The following GRID2 variants were observed in gnomAD, a reference collection of about 807,000 sequenced individuals.
GRID2 encodes glutamate ionotropic receptor delta type subunit 2, also known as glutamate receptor ionotropic, delta-2.
GRID2 carries 33 observed loss-of-function variants against 114.8 expected under a neutral mutation model. The observed-to-expected ratio is 0.29, with a 90% CI of 0.22 to 0.38. GRID2 has a LOEUF of 0.38. Among genes scored for constraint, GRID2 ranks in the 10% least tolerant of loss-of-function variants. The pLI is 1.00. For missense variants in GRID2, 1,184 were observed against 1,257.7 expected (o/e 0.94, Z 0.89); for synonymous variants, 505 against 449.9 (o/e 1.12, Z -1.55).
chr4:92,917,457 T>C (rs913784671), intron 2 of GRID2, among the ~76,000 whole-genome samples: 1 of 152,184 alleles, frequency 6.6e-6, no homozygotes, highest in African/African-American at 2.4e-5. Flanking sequence ...CTGAATGGTA[T>C]TGCATAGGTT....
Position 92,420,289 on chromosome 4 carries a change from T to G in GRID2, c.88+115545T>G, listed in dbSNP as rs1014473916. 2.0e-5 allele frequency among the ~76,000 whole-genome samples: 3 copies of G among 152,200 alleles called. No individual in the cohort carries two copies. In the South Asian group the frequency reaches 6.2e-4, roughly 32 times the overall value. ...TGCATTTGTCTGGAAATTATTACCA[T>G]AAACTTTTAAATAGTAAGTTTTAAC... is the stretch of plus-strand genomic sequence containing the variant. On this transcript the variant is annotated intron_variant, in intron 1 of 15. Transcript: ENST00000282020.
intron 4 of GRID2, among the ~76,000 whole-genome samples, chr4:93,204,400 A>T (rs990488380): frequency 6.6e-6 from 1 of 152,146 alleles, no homozygotes; most frequent in Non-Finnish European, 1.5e-5. Context: ...TAGAACATGA[A>T]GATAGATGAT....
intron 8 of GRID2, among the ~76,000 whole-genome samples, chr4:93,321,394 A>G (rs1757198030): frequency 6.6e-6 from 1 of 152,134 alleles, no homozygotes; most frequent in Non-Finnish European, 1.5e-5. Flanking sequence ...TATGTTTGAA[A>G]CTAGTTAGCA....
intron 1 of GRID2, among the ~76,000 whole-genome samples, chr4:92,403,501 G>A (rs993359927): frequency 6.6e-6 from 1 of 151,832 alleles, no homozygotes; most frequent in African/African-American, 2.4e-5. Context: ...TTTGAGACCA[G>A]CCTGACCAAT....
At chr4:93,221,117 A>T (rs1294532755) in intron 6 of GRID2, among the ~76,000 whole-genome samples, 1 of 152,168 alleles carries the variant, frequency 6.6e-6, no homozygotes, top group Non-Finnish European at 1.5e-5. Context: ...TTTTAATATA[A>T]TCGTGGTCTC....
intron 2 of GRID2, among the ~76,000 whole-genome samples, chr4:92,801,263 A>G (rs536693355): frequency 2.0e-4 from 30 of 152,120 alleles, no homozygotes; most frequent in African/African-American, 7.2e-4. Flanking sequence ...TCTTGTGGAT[A>G]ACTTCTGTGT....
intron 4 of GRID2, among the ~76,000 whole-genome samples, chr4:93,171,187 T>C (rs1356717861): frequency 6.6e-6 from 1 of 152,220 alleles, no homozygotes; most frequent in Non-Finnish European, 1.5e-5. Flanking sequence ...TTCTGATCTT[T>C]TAACATTTTG....
chr4:93,697,759 A>G (rs888907214), intron 14 of GRID2, among the ~76,000 whole-genome samples: 3 of 32,498 alleles, frequency 9.2e-5, no homozygotes, highest in Admixed American at 4.3e-4. Flanking sequence ...ACAATACATT[A>G]TATCTTTAAA....
At chr4:93,543,710 T>TAGAGAGAGAGAGAGAGGGAGAGAGAGAG (rs1732888813) in intron 13 of GRID2, among the ~76,000 whole-genome samples, 1 of 133,494 alleles carries the variant, frequency 7.5e-6, no homozygotes, top group African/African-American at 2.9e-5. Context: ...GAGTGAGAGA[T>TAGAGAGAGAGAGAGAGGGAGAGAGAGAG]AGAGAGAGAG....
chr4:93,100,107 C>A (rs1731571367), intron 3 of GRID2, among the ~76,000 whole-genome samples: 1 of 151,816 alleles, frequency 6.6e-6, no homozygotes, highest in Admixed American at 6.6e-5. Flanking sequence ...ATTTCCTTTG[C>A]ATTAGTATAT....
intron 2 of GRID2, among the ~76,000 whole-genome samples, chr4:92,909,039 G>T (rs921237861): frequency 6.6e-6 from 1 of 152,060 alleles, no homozygotes; most frequent in Non-Finnish European, 1.5e-5. Context: ...TGATTATTCT[G>T]ATTTTAATAT....
intron 2 of GRID2, among the ~76,000 whole-genome samples, chr4:92,732,178 A>G (rs1736358605): frequency 6.6e-6 from 1 of 151,978 alleles, no homozygotes; most frequent in Non-Finnish European, 1.5e-5. Flanking sequence ...TAATTTCATC[A>G]GGAGTAAATG....
intron 11 of GRID2, among the ~76,000 whole-genome samples, chr4:93,459,454 G>A (rs1002565323): frequency 1.3e-5 from 2 of 152,112 alleles, no homozygotes; most frequent in African/African-American, 4.8e-5. Context: ...TGAGCCAGCT[G>A]TAATGATGGC....
chr4:92,973,336 A>G (rs1753646387), intron 2 of GRID2, among the ~76,000 whole-genome samples: 1 of 152,210 alleles, frequency 6.6e-6, no homozygotes, highest in Non-Finnish European at 1.5e-5. Flanking sequence ...ATAAGGAAGC[A>G]GGTGAGTTTG....
chr4:93,210,596 G>A (rs559024856), intron 5 of GRID2, among the ~76,000 whole-genome samples: 27 of 151,910 alleles, frequency 1.8e-4, no homozygotes, highest in Non-Finnish European at 3.4e-4. Flanking sequence ...TTTTCACTTA[G>A]AATTTTGTTT....
chr4:93,589,007 C>T (rs1042412624), intron 13 of GRID2, among the ~76,000 whole-genome samples: 1 of 151,454 alleles, frequency 6.6e-6, no homozygotes, highest in Non-Finnish European at 1.5e-5. Flanking sequence ...AATTCAACAA[C>T]GTTCATGATT....
At chr4:92,595,228 A>G (rs1356978881) in intron 2 of GRID2, among the ~76,000 whole-genome samples, 3 of 151,962 alleles carry the variant, frequency 2.0e-5, no homozygotes, top group African/African-American at 7.2e-5. Context: ...TTTTTTATGT[A>G]TTGCAAAACA....
At chr4:93,508,750 G>A (rs929308401) in intron 12 of GRID2, among the ~76,000 whole-genome samples, 2 of 152,266 alleles carry the variant, frequency 1.3e-5, no homozygotes, top group South Asian at 2.1e-4. Flanking sequence ...ATGGGAACCA[G>A]CAATCTATAT....
chr4:93,176,022 G>C (rs900404082), intron 4 of GRID2, among the ~76,000 whole-genome samples: 47 of 152,174 alleles, frequency 3.1e-4, no homozygotes, highest in Non-Finnish European at 2.9e-5. Flanking sequence ...CAAAGTAGGA[G>C]CTAATAGCAG....
Sources: gnomAD v4.1 joint callset for allele counts (sites outside exome capture counted in the v4.1 genomes callset) on GRCh38, gnomAD v4.1.1 for gene constraint, MANE v1.5 for transcripts, NCBI Gene and HGNC (gene_info 2026-07-23, HGNC 2026-07-21) for gene names.